GPC6: variants seen among roughly 807,000 people sequenced by gnomAD.
GPC6 encodes glypican-6.
Under a neutral mutation model 55.2 loss-of-function variants are expected in GPC6, and 14 were observed. The ratio of observed to expected loss-of-function variants is 0.25; its 90% CI spans 0.17 to 0.40. The LOEUF (loss-of-function observed/expected upper bound fraction) is 0.40. Ranked by LOEUF, GPC6 falls within the 10% of genes least tolerant of loss-of-function variation. The pLI is 1.00. For missense variants in GPC6, 641 were observed against 708.5 expected, an observed-to-expected ratio of 0.90 and a Z score of 1.08; for synonymous variants, 278 against 259.6, an observed-to-expected ratio of 1.07 and a Z score of -0.68.
intron 4 of GPC6, among the ~76,000 whole-genome samples, chr13:94,238,120 T>C (rs9516371): frequency 0.65 from 99,001 of 151,946 alleles, 32,565 homozygotes; most frequent in African/African-American, 0.68. Flanking sequence ...GGAGGATCTT[T>C]GGGGGATAGA....
At chr13:93,898,962 T>C (rs1354492065) in intron 3 of GPC6, among the ~76,000 whole-genome samples, 36 of 146,600 alleles carry the variant, frequency 2.5e-4, no homozygotes, top group African/African-American at 8.7e-4. Flanking sequence ...TATATATATA[T>C]ATATACACAC....
At chr13:93,538,072 G>A (rs1029572572) in intron 1 of GPC6, among the ~76,000 whole-genome samples, 1 of 152,062 alleles carries the variant, frequency 6.6e-6, no homozygotes, top group Non-Finnish European at 1.5e-5. Flanking sequence ...TGAAATCATT[G>A]CAGTTTAAGG....
intron 4 of GPC6, among the ~76,000 whole-genome samples, chr13:94,119,651 G>C (rs1018422971): frequency 6.6e-6 from 1 of 152,150 alleles, no homozygotes; most frequent in Admixed American, 6.6e-5. Flanking sequence ...CCCTGGAGTT[G>C]TGCAATGAGT....
At chr13:93,526,210 T>G (rs1881640537) in intron 1 of GPC6, among the ~76,000 whole-genome samples, 1 of 152,026 alleles carries the variant, frequency 6.6e-6, no homozygotes, top group South Asian at 2.1e-4. Flanking sequence ...AATATGGGCT[T>G]TTCCATAAAT....
intron 1 of GPC6, among the ~76,000 whole-genome samples, chr13:93,364,193 G>A (rs1017520888): frequency 2.0e-5 from 3 of 152,004 alleles, no homozygotes; most frequent in African/African-American, 7.2e-5. Context: ...TGGTGTTTTA[G>A]ACATGAAGTC....
chr13:94,190,311 A>G (rs935318220), intron 4 of GPC6, among the ~76,000 whole-genome samples: 1 of 49,816 alleles, frequency 2.0e-5, no homozygotes, highest in Non-Finnish European at 3.3e-5. Context: ...AAGACTCTGA[A>G]AAAAAAAAAA....
At chr13:93,903,197 C>T (rs1425012592) in intron 3 of GPC6, among the ~76,000 whole-genome samples, 1 of 152,132 alleles carries the variant, frequency 6.6e-6, no homozygotes, top group African/African-American at 2.4e-5. Flanking sequence ...GCACAGGCAA[C>T]AAAAGCAAAA....
rs997219550 is a variant in GPC6, at chr13:93,638,566, T to C, written c.319+93145T>C. On this transcript the variant is annotated intron_variant, in intron 2 of 8. Transcript: ENST00000377047. ...GTCTGGACATACAGCAATAACTCTT[T>C]CCAAGGCATACCTGTCATTTAGTTT... 2.0e-5 allele frequency among the ~76,000 whole-genome samples: 3 copies of C among 152,136 alleles called. No individual in the cohort carries two copies. In the South Asian group the frequency reaches 6.2e-4, roughly 31 times the overall value.
intron 3 of GPC6, among the ~76,000 whole-genome samples, chr13:93,866,962 G>A (rs1390012786): frequency 6.6e-6 from 1 of 151,540 alleles, no homozygotes; most frequent in African/African-American, 2.4e-5. Context: ...AGAAACAAAG[G>A]AACATCTTCT....
intron 4 of GPC6, among the ~76,000 whole-genome samples, chr13:94,261,573 C>A (rs1429640029): frequency 1.3e-5 from 2 of 152,088 alleles, no homozygotes; most frequent in African/African-American, 4.8e-5. Flanking sequence ...TGAAACTACC[C>A]AGAGGGTATA....
intron 5 of GPC6, among the ~76,000 whole-genome samples, chr13:94,299,565 G>T (rs1875531090): frequency 6.6e-6 from 1 of 152,184 alleles, no homozygotes; most frequent in Non-Finnish European, 1.5e-5. Context: ...CTGCAGAAGA[G>T]GCCTGCAGGA....
intron 3 of GPC6, among the ~76,000 whole-genome samples, chr13:94,024,102 G>GACACACACACACACACACACACACACAC (rs140178004): frequency 6.9e-6 from 1 of 144,192 alleles, no homozygotes; most frequent in African/African-American, 2.6e-5. Flanking sequence ...ACTGTGTATA[G>GACACACACACACACACACACACACACAC]ACACACACAC....
chr13:94,132,689 A>G (rs1457647628), intron 4 of GPC6, among the ~76,000 whole-genome samples: 2 of 152,156 alleles, frequency 1.3e-5, no homozygotes, highest in African/African-American at 4.8e-5. Flanking sequence ...CAAGAAGCCT[A>G]TATGAAAGGC....
At chr13:93,251,371 A>G (rs1876781414) in intron 1 of GPC6, among the ~76,000 whole-genome samples, 2 of 152,330 alleles carry the variant, frequency 1.3e-5, no homozygotes, top group Middle Eastern at 3.4e-3. Context: ...GTGGAAACCT[A>G]TAAGGAAATA....
intron 4 of GPC6, among the ~76,000 whole-genome samples, chr13:94,175,004 T>C (rs1164894054): frequency 6.6e-6 from 1 of 152,180 alleles, no homozygotes; most frequent in Non-Finnish European, 1.5e-5. Flanking sequence ...TGTGTCTTTC[T>C]TGGTGTGTAT....
intron 1 of GPC6, among the ~76,000 whole-genome samples, chr13:93,296,282 CCTT>C (rs1878494008): frequency 6.6e-6 from 1 of 152,154 alleles, no homozygotes; most frequent in African/African-American, 2.4e-5. Context: ...CTGAAACCCT[CCTT>C]CTTCCCTCTA....
intron 3 of GPC6, among the ~76,000 whole-genome samples, chr13:93,969,763 A>G (rs998343065): frequency 2.0e-5 from 3 of 150,494 alleles, no homozygotes; most frequent in African/African-American, 7.3e-5. Context: ...CCACCATTCT[A>G]CTCTCTATCC....
intron 3 of GPC6, among the ~76,000 whole-genome samples, chr13:93,912,632 A>G (rs1248068409): frequency 6.6e-6 from 1 of 152,082 alleles, no homozygotes; most frequent in East Asian, 1.9e-4. Flanking sequence ...AGTCCCAGCT[A>G]CTCGGGAGGC....
At chr13:93,552,756 TC>T (rs1340964235) in intron 2 of GPC6, among the ~76,000 whole-genome samples, 2 of 152,180 alleles carry the variant, frequency 1.3e-5, no homozygotes, top group Non-Finnish European at 2.9e-5. Context: ...TAAGTATTGC[TC>T]TATCAGACTC....
Sources: gnomAD v4.1 joint callset for allele counts (sites outside exome capture counted in the v4.1 genomes callset) on GRCh38, gnomAD v4.1.1 for gene constraint, MANE v1.5 for transcripts, NCBI Gene and HGNC (gene_info 2026-07-23, HGNC 2026-07-21) for gene names.